The following SDK2 variants were observed in gnomAD, a reference collection of about 807,000 sequenced individuals.
SDK2 encodes the protein sidekick cell adhesion molecule 2.
Under a neutral mutation model 253.9 loss-of-function variants are expected in SDK2, and 105 were observed. The ratio of observed to expected loss-of-function variants is 0.41; its 90% confidence interval spans 0.35 to 0.49. SDK2 has a LOEUF of 0.49. SDK2 is among the 20% of genes least tolerant of loss of function. The pLI is 0.06. For synonymous variants in SDK2, 1,249 were observed against 1,234.9 expected (o/e 1.01, Z -0.24); for missense variants, 2,608 against 3,003.0 (o/e 0.87, Z 3.07).
chr17:73,569,967 A>T (rs1471879731), intron 1 of SDK2, among the ~76,000 whole-genome samples: 2 of 152,104 alleles, frequency 1.3e-5, no homozygotes, highest in East Asian at 1.9e-4. Context: ...GTCCTGAGTT[A>T]CGGGAGGCTG....
intron 36 of SDK2, among the ~76,000 whole-genome samples, chr17:73,370,781 G>C (rs1466526712): frequency 6.6e-6 from 1 of 151,976 alleles, no homozygotes; most frequent in East Asian, 1.9e-4. Flanking sequence ...AAGGGGGAGA[G>C]GGCCGGGTGC....
chr17:73,462,135 G>C (rs1210030008), intron 3 of SDK2, among the ~76,000 whole-genome samples: 1 of 151,964 alleles, frequency 6.6e-6, no homozygotes, highest in Non-Finnish European at 1.5e-5. Context: ...ATGCATGTTT[G>C]GTGGGATGTA....
intron 1 of SDK2, among the ~76,000 whole-genome samples, chr17:73,525,515 G>GA (rs1422913930): frequency 1.3e-5 from 2 of 152,190 alleles, no homozygotes; most frequent in Non-Finnish European, 2.9e-5. Flanking sequence ...TCAATAGGAT[G>GA]AATGAGAAGG....
chr17:73,466,742 A>T (rs887827335), intron 3 of SDK2, among the ~76,000 whole-genome samples: 3 of 127,968 alleles, frequency 2.3e-5, no homozygotes, highest in Non-Finnish European at 3.2e-5. Flanking sequence ...TAGGCTCTGC[A>T]TCTTTGGGGG....
intron 3 of SDK2, among the ~76,000 whole-genome samples, chr17:73,469,800 C>G (rs1340773896): frequency 6.6e-6 from 1 of 152,098 alleles, no homozygotes; most frequent in Non-Finnish European, 1.5e-5. Context: ...GAAACACTGA[C>G]CTCCCTTCCT....
chr17:73,489,224 C>T (rs762377080), intron 2 of SDK2, among the ~76,000 whole-genome samples: 3 of 152,206 alleles, frequency 2.0e-5, no homozygotes, highest in Non-Finnish European at 2.9e-5. Context: ...AGCTCTACTT[C>T]GAGTCCATTC....
chr17:73,601,010 A>T (rs1020687310), intron 1 of SDK2, among the ~76,000 whole-genome samples: 3 of 151,168 alleles, frequency 2.0e-5, no homozygotes, highest in Non-Finnish European at 3.0e-5. Context: ...TCATTTTATT[A>T]TTTAAAAAAA....
At chr17:73,605,195 G>A (rs530323455) in intron 1 of SDK2, among the ~76,000 whole-genome samples, 8 of 152,234 alleles carry the variant, frequency 5.3e-5, no homozygotes, top group South Asian at 2.1e-4. Context: ...AAAGAGTGAC[G>A]GCCCCTTCAA....
intron 2 of SDK2, among the ~76,000 whole-genome samples, chr17:73,482,327 G>T (rs901488429): frequency 6.6e-5 from 10 of 152,134 alleles, no homozygotes; most frequent in African/African-American, 2.4e-4. Context: ...TCCTCATAGG[G>T]CTGAGCAGGG....
chr17:73,490,509 A>G (rs903291829), intron 2 of SDK2, among the ~76,000 whole-genome samples: 4 of 140,156 alleles, frequency 2.9e-5, no homozygotes, highest in Non-Finnish European at 6.1e-5. Flanking sequence ...ACTTACTAAT[A>G]TGGGCCAGGC....
intron 1 of SDK2, among the ~76,000 whole-genome samples, chr17:73,595,318 C>T (rs2045741476): frequency 6.6e-6 from 1 of 152,132 alleles, no homozygotes; most frequent in Admixed American, 6.5e-5. Flanking sequence ...GGGGTGGCCA[C>T]AGGTAATGAA....
At chr17:73,458,621 A>T (rs1220630352) in intron 3 of SDK2, among the ~76,000 whole-genome samples, 1 of 152,166 alleles carries the variant, frequency 6.6e-6, no homozygotes, top group Non-Finnish European at 1.5e-5. Context: ...GAGCTCTGAG[A>T]TCCAATTTCC....
intron 17 of SDK2, among the ~76,000 whole-genome samples, chr17:73,415,350 CT>C (rs35201251): frequency 0.017 from 2,106 of 122,078 alleles, 37 homozygotes; most frequent in East Asian, 0.12. Context: ...TTTCATTTCA[CT>C]TTTTTTTTTT....
At chr17:73,547,253 T>C (rs2044980512) in intron 1 of SDK2, among the ~76,000 whole-genome samples, 1 of 152,256 alleles carries the variant, frequency 6.6e-6, no homozygotes, top group Non-Finnish European at 1.5e-5. Context: ...CTCAACTTCC[T>C]CATCTGCAAC....
At chr17:73,423,656 C>T in intron 13 of SDK2, 134 bp from the exon 14 acceptor site, 1 of 1,112,132 alleles carries the variant, frequency 9.0e-7, no homozygotes, top group Non-Finnish European at 1.2e-6. Flanking sequence ...GGCCTTCGGG[C>T]CATCTACCTG....
intron 1 of SDK2, among the ~76,000 whole-genome samples, chr17:73,568,899 C>A (rs975958110): frequency 6.6e-6 from 1 of 152,168 alleles, no homozygotes; most frequent in African/African-American, 2.4e-5. Context: ...TGTGATACAT[C>A]ACATGACAAT....
chr17:73,540,439 CT>C (rs1340409541), intron 1 of SDK2, among the ~76,000 whole-genome samples: 2 of 152,216 alleles, frequency 1.3e-5, no homozygotes, highest in African/African-American at 4.8e-5. Context: ...ATGCTTCTTG[CT>C]GTCGCAATGA....
chr17:73,527,854 A>G (rs1472352418), intron 1 of SDK2, among the ~76,000 whole-genome samples: 1 of 152,132 alleles, frequency 6.6e-6, no homozygotes, highest in African/African-American at 2.4e-5. Flanking sequence ...CAGAAGAAAA[A>G]TGATGCTGAG....
intron 1 of SDK2, among the ~76,000 whole-genome samples, chr17:73,542,373 G>C (rs548815840): frequency 8.5e-5 from 13 of 152,370 alleles, no homozygotes; most frequent in South Asian, 2.1e-4. Flanking sequence ...CCTCCCATCT[G>C]TACGTGCCTG....
Sources: gnomAD v4.1 joint callset for allele counts (sites outside exome capture counted in the v4.1 genomes callset) on GRCh38, gnomAD v4.1.1 for gene constraint, MANE v1.5 for transcripts, NCBI Gene and HGNC (gene_info 2026-07-23, HGNC 2026-07-21) for gene names.